The following COL5A2 variants were observed in gnomAD, a reference collection of about 807,000 sequenced individuals.
COL5A2 encodes collagen alpha-2(V) chain.
Under a neutral mutation model 208.2 loss-of-function variants are expected in COL5A2, and 23 were observed. That is an observed-to-expected ratio of 0.11 (90% CI 0.08 to 0.16). The LOEUF is 0.16. Ranked by LOEUF, COL5A2 falls within the 10% of genes least tolerant of loss-of-function variation. The pLI is 1.00. For synonymous variants in COL5A2, 625 were observed against 628.5 expected (o/e 0.99, Z 0.08); for missense variants, 1,590 against 1,956.4 (o/e 0.81, Z 3.53).
chr2:189,408,212 T>A, the COL5A2 span, among the ~76,000 whole-genome samples: 1 of 152,108 alleles, frequency 6.6e-6, no homozygotes, highest in Admixed American at 6.6e-5. Flanking sequence ...CCTATATGAA[T>A]ACAAAACTTC....
chr2:189,096,978 T>C (rs1194148847), intron 6 of COL5A2, among the ~76,000 whole-genome samples: 5 of 152,182 alleles, frequency 3.3e-5, no homozygotes, highest in African/African-American at 1.2e-4. Flanking sequence ...CCACAGATCA[T>C]ATAACTTGGA....
At chr2:189,072,953 C>T (rs1686310452) in intron 17 of COL5A2, among the ~76,000 whole-genome samples, 1 of 152,056 alleles carries the variant, frequency 6.6e-6, no homozygotes. Flanking sequence ...TACTCTAACT[C>T]TAAGGATTGT....
intron 1 of COL5A2, among the ~76,000 whole-genome samples, chr2:189,155,168 T>C (rs1447013683): frequency 6.6e-6 from 1 of 152,082 alleles, no homozygotes; most frequent in Non-Finnish European, 1.5e-5. Context: ...AATTTTTTTT[T>C]GTAGAGACAG....
At chr2:189,412,832 A>C in the COL5A2 span, among the ~76,000 whole-genome samples, 1 of 152,222 alleles carries the variant, frequency 6.6e-6, no homozygotes, top group Non-Finnish European at 1.5e-5. Flanking sequence ...AAAACATAGA[A>C]AAATCAAGGA....
rs183298829 is a variant in COL5A2, at chr2:189,215,084, T to C, written c.-42+10064A>G. 2.8e-4 allele frequency among the ~76,000 whole-genome samples: 43 copies of C among 152,308 alleles called. 1 individual carries two copies. The East Asian group carries it at 8.1e-3, about 29-fold the overall frequency. On this transcript the variant is annotated intron_variant, in intron 1 of 10. Transcript: ENST00000649966. ...ATAGTAATAAATAGCAGATCTAGCA[T>C]CTGAACCTAGGTCTTCTGATTCATT...
the COL5A2 span, among the ~76,000 whole-genome samples, chr2:189,396,140 A>C: frequency 6.6e-6 from 1 of 152,114 alleles, no homozygotes; most frequent in Non-Finnish European, 1.5e-5. Flanking sequence ...TGGCTTAAGA[A>C]ATTTATAGAT....
intron 18 of COL5A2, 49 bp from the exon 19 acceptor site, chr2:189,068,933 G>T (rs375969196): frequency 7.8e-7 from 1 of 1,276,434 alleles, no homozygotes; most frequent in Non-Finnish European, 1.1e-6. Context: ...TACGAGAGTG[G>T]CATTGTACAA....
At chr2:189,226,276 T>C (rs1282681285), upstream of COL5A2, among the ~76,000 whole-genome samples, 1 of 152,096 alleles carries the variant, frequency 6.6e-6, no homozygotes, top group Non-Finnish European at 1.5e-5. Context: ...AATAGAGGAA[T>C]GATTGAGGAG....
the COL5A2 span, among the ~76,000 whole-genome samples, chr2:189,306,732 A>G: frequency 3.9e-5 from 6 of 152,304 alleles, no homozygotes; most frequent in African/African-American, 1.2e-4. Flanking sequence ...TTTCACAGGG[A>G]CTATTTGACA....
the COL5A2 span, among the ~76,000 whole-genome samples, chr2:189,256,908 G>A: frequency 6.6e-6 from 1 of 152,302 alleles, no homozygotes; most frequent in Admixed American, 6.5e-5. Context: ...GATTACAGGC[G>A]TAAGCCACCG....
chr2:189,436,550 T>C, the COL5A2 span, among the ~76,000 whole-genome samples: 4 of 152,056 alleles, frequency 2.6e-5, no homozygotes, highest in Non-Finnish European at 5.9e-5. Context: ...TACATGCATG[T>C]ATATGTTCAC....
At chr2:189,376,261 C>T in the COL5A2 span, among the ~76,000 whole-genome samples, 98 of 152,202 alleles carry the variant, frequency 6.4e-4, no homozygotes, top group African/African-American at 2.1e-3. Context: ...CCTTTTATTG[C>T]CTCACTATCA....
chr2:189,311,658 G>C, the COL5A2 span: 118 of 765,478 alleles, frequency 1.5e-4, no homozygotes, highest in African/African-American at 1.8e-3. Context: ...GTATGTCTCA[G>C]CTCCATGAGC....
rs188802989 is a variant in COL5A2 at position 189,132,221 on chromosome 2, A to C, written c.98-21772T>G. ...TCATGGTCTGGTTTTTAGAGACATA[A>C]GTAGAAGTTTCCTACCACATCAACA... On this transcript the variant is annotated intron_variant, in intron 1 of 53. Coordinates refer to ENST00000374866, the MANE Select transcript of COL5A2 (RefSeq NM_000393.5). Among the ~76,000 whole-genome samples, 228 of 152,336 alleles carry C rather than the reference A, an allele frequency of 1.5e-3. 2 individuals are homozygous for C. The highest frequency in any genetic ancestry group is 5.1e-3 in the African/African-American group (213 of 41,566).
At chr2:189,380,346 GTTTTAAGCTAAAATA>G in the COL5A2 span, among the ~76,000 whole-genome samples, 1 of 151,638 alleles carries the variant, frequency 6.6e-6, no homozygotes, top group Non-Finnish European at 1.5e-5. Context: ...ACAGTAAAAT[GTTTTAAGCTAAAATA>G]TTTTAAGCTA....
chr2:189,049,642 G>A (rs1685742429), intron 43 of COL5A2, among the ~76,000 whole-genome samples, 188 bp from the exon 44 acceptor site: 1 of 152,120 alleles, frequency 6.6e-6, no homozygotes, highest in Non-Finnish European at 1.5e-5. Flanking sequence ...GACTCCTCTT[G>A]ACGTATCTAA....
intron 6 of COL5A2, among the ~76,000 whole-genome samples, chr2:189,096,931 T>A (rs1686931317): frequency 6.6e-6 from 1 of 152,174 alleles, no homozygotes; most frequent in Non-Finnish European, 1.5e-5. Flanking sequence ...CCTCTAACAA[T>A]TTTTTCCCGT....
the COL5A2 span, among the ~76,000 whole-genome samples, chr2:189,299,503 C>T: frequency 9.9e-5 from 15 of 152,088 alleles, no homozygotes; most frequent in Admixed American, 6.6e-4. Flanking sequence ...GCCTATAATT[C>T]GTGGGGCAAA....
the COL5A2 span, among the ~76,000 whole-genome samples, chr2:189,421,163 TTAAAGA>T: frequency 6.6e-6 from 1 of 152,176 alleles, no homozygotes; most frequent in African/African-American, 2.4e-5. Context: ...TACTCTTTAC[TTAAAGA>T]TAAACACATG....
Sources: gnomAD v4.1 joint callset for allele counts (sites outside exome capture counted in the v4.1 genomes callset) on GRCh38, gnomAD v4.1.1 for gene constraint, MANE v1.5 for transcripts, NCBI Gene and HGNC (gene_info 2026-07-23, HGNC 2026-07-21) for gene names.